VPS13B: variants seen among roughly 807,000 people sequenced by gnomAD.
VPS13B encodes the protein intermembrane lipid transfer protein VPS13B.
Under a neutral mutation model 426.4 loss-of-function variants are expected in VPS13B, and 285 were observed. The observed-to-expected ratio is 0.67, with a 90% confidence interval of 0.61 to 0.74. The LOEUF (loss-of-function observed/expected upper bound fraction) is 0.74. Ranked by LOEUF, VPS13B falls within the 30% of genes least tolerant of loss-of-function variation. The pLI, the probability that VPS13B is intolerant of heterozygous loss-of-function variation, is 0.00. For missense variants in VPS13B, 4,537 were observed against 4,782.6 expected, an observed-to-expected ratio of 0.95 and a Z score of 1.51; for synonymous variants, 1,676 against 1,676.4, an observed-to-expected ratio of 1.00 and a Z score of 0.01.
At chr8:99,237,736 C>G (rs1174553940) in intron 17 of VPS13B, among the ~76,000 whole-genome samples, 3 of 151,856 alleles carry the variant, frequency 2.0e-5, no homozygotes, top group African/African-American at 7.3e-5. Flanking sequence ...GAAATCACCA[C>G]TAAAGATCTT....
chr8:99,555,514 T>G (rs756867135), intron 30 of VPS13B, among the ~76,000 whole-genome samples: 3 of 152,172 alleles, frequency 2.0e-5, no homozygotes, highest in Non-Finnish European at 2.9e-5. Flanking sequence ...CAACTTTTCT[T>G]CTGATAAAAA....
intron 30 of VPS13B, among the ~76,000 whole-genome samples, chr8:99,524,234 A>C (rs1822527654): frequency 6.6e-6 from 1 of 152,194 alleles, no homozygotes; most frequent in East Asian, 1.9e-4. Flanking sequence ...TACAAGGTCT[A>C]TAAAATGGCC....
intron 24 of VPS13B, among the ~76,000 whole-genome samples, chr8:99,475,119 T>C (rs1819623725): frequency 6.6e-6 from 1 of 152,142 alleles, no homozygotes; most frequent in African/African-American, 2.4e-5. Context: ...CATAATTCCA[T>C]TTACATAAAA....
chr8:99,371,752 A>G (rs1280778256), intron 19 of VPS13B, among the ~76,000 whole-genome samples: 2 of 152,184 alleles, frequency 1.3e-5, no homozygotes, highest in African/African-American at 4.8e-5. Flanking sequence ...TTCCTTGAGC[A>G]GTGGTTTGTA....
At chr8:99,370,016 C>T (rs1429302369) in intron 19 of VPS13B, among the ~76,000 whole-genome samples, 1 of 152,124 alleles carries the variant, frequency 6.6e-6, no homozygotes, top group African/African-American at 2.4e-5. Flanking sequence ...TGATTTGAAG[C>T]ATACTTTACA....
Position 99,568,769 on chromosome 8 carries a change from G to A in VPS13B, c.4950-6889G>A, listed in dbSNP as rs558175001. Among the ~76,000 whole-genome samples the A allele has an allele frequency of 9.9e-5, 15 of 151,288 alleles. 1 individual carries two copies. The South Asian group carries it at 2.9e-3, about 30-fold the overall frequency. On this transcript the variant is annotated intron_variant, in intron 31 of 61. Coordinates refer to ENST00000357162, the MANE Select transcript of VPS13B (RefSeq NM_152564.5). The stretch of plus-strand genomic sequence containing the variant: ...GTTTTCATATTTAGGAATAACTACT[G>A]TAAGAGATGGTCTCAGGTGATAACC...
At chr8:99,333,948 A>G (rs768053794) in intron 19 of VPS13B, among the ~76,000 whole-genome samples, 11 of 151,884 alleles carry the variant, frequency 7.2e-5, no homozygotes, top group Non-Finnish European at 1.0e-4. Context: ...GATACAGTAC[A>G]GTTTACTTCT....
chr8:99,140,144 A>G (rs1208568555), intron 12 of VPS13B, among the ~76,000 whole-genome samples: 2 of 152,044 alleles, frequency 1.3e-5, no homozygotes, highest in Non-Finnish European at 2.9e-5. Context: ...AGGTGGGCAG[A>G]CCATGAGGTC....
chr8:99,604,986 A>G (rs1323395082), intron 33 of VPS13B, among the ~76,000 whole-genome samples: 1 of 152,240 alleles, frequency 6.6e-6, no homozygotes, highest in Non-Finnish European at 1.5e-5. Flanking sequence ...TCTCAAAAAC[A>G]TTTAAAAATC....
In VPS13B at chr8:99,871,554, G is replaced by T. The variant is rs1817415840; in HGVS notation, c.11602G>T (p.Glu3868Ter). 6.2e-7 allele frequency: 1 copy of T among 1,614,114 alleles called. No individual in the cohort carries two copies. The highest frequency in any genetic ancestry group is 1.3e-5 in the African/African-American group (1 of 74,944). The stretch of plus-strand genomic sequence containing the variant: ...TGAAGGGTGCTTGCTGCTGACATCA[G>T]AAGTGCTCTTCGTGGTGAGTGTCAG... ...EHEGCLLLTS[E>*]VLFVVSVSED... Residue 3868 changes from glutamate to a stop codon, truncating the protein, a stop_gained, in exon 61 of 62, where the codon GAA (glutamate) becomes TAA (stop). Transcript: ENST00000357162. LOFTEE classifies it high-confidence loss of function.
At chr8:99,050,496 C>T (rs6468654) in intron 3 of VPS13B, among the ~76,000 whole-genome samples, 112,717 of 152,046 alleles carry the variant, frequency 0.74, 42,438 homozygotes, top group South Asian at 0.87. Context: ...AATAAACATA[C>T]GTGTGCATGT....
intron 21 of VPS13B, 91 bp from the exon 22 acceptor site, chr8:99,431,446 A>G (rs1817106424): frequency 1.4e-6 from 2 of 1,474,020 alleles, no homozygotes; most frequent in Admixed American, 3.6e-5. Context: ...ATTTTAAGCA[A>G]GGAAAGAAAC....
intron 5 of VPS13B, among the ~76,000 whole-genome samples, chr8:99,105,032 A>G (rs1846969601): frequency 6.6e-6 from 1 of 152,232 alleles, no homozygotes; most frequent in Non-Finnish European, 1.5e-5. Flanking sequence ...GCAAAGTGAA[A>G]TTGAGTCTCA....
chr8:99,023,022 G>T (rs760594618), intron 2 of VPS13B, among the ~76,000 whole-genome samples: 4 of 150,270 alleles, frequency 2.7e-5, no homozygotes, highest in Non-Finnish European at 5.9e-5. Context: ...ACAAGGCGTT[G>T]CCCTGTTGCC....
intron 12 of VPS13B, among the ~76,000 whole-genome samples, chr8:99,139,527 TC>T (rs1810277350): frequency 6.7e-6 from 1 of 149,272 alleles, no homozygotes; most frequent in Non-Finnish European, 1.5e-5. Flanking sequence ...AAGCTCCGCC[TC>T]CCGGGTTCAT....
rs61754108 is a variant in VPS13B at position 99,859,369 on chromosome 8, G to A, written c.10933G>A (p.Gly3645Arg). Residue 3645 changes from glycine to arginine, a missense_variant, in exon 57 of 62, where the codon GGG (glycine) becomes AGG (arginine). Gly to Arg is a moderately radical substitution (Grantham distance 125). This residue lies in a region of VPS13B where 4,311 missense variants were observed against 4,474.3 expected (regional missense o/e 0.96). Coordinates refer to ENST00000357162, the MANE Select transcript of VPS13B (RefSeq NM_152564.5). ...AAGCCTGGTGAGAAGCATCGGGAAC[G>A]GGGTCGCCGACTTCTTCAGGCTTCC... The part of the protein sequence containing the change: ...PASLVRSIGN[G>R]VADFFRLPYE... The A allele has an allele frequency of 1.4e-5, 23 of 1,614,022 alleles. No homozygotes were observed. The highest frequency in any genetic ancestry group is 1.9e-5 in the Non-Finnish European group (23 of 1,180,028).
At chr8:99,636,527 C>T (rs1033868127) in intron 33 of VPS13B, among the ~76,000 whole-genome samples, 1 of 151,898 alleles carries the variant, frequency 6.6e-6, no homozygotes, top group African/African-American at 2.4e-5. Flanking sequence ...ATCCCAGTTT[C>T]CTAAAGTGAA....
At chr8:99,682,052 T>C (rs1831175206) in intron 35 of VPS13B, among the ~76,000 whole-genome samples, 1 of 152,248 alleles carries the variant, frequency 6.6e-6, no homozygotes, top group Non-Finnish European at 1.5e-5. Context: ...AATGATGTTT[T>C]TTAAATCAGC....
At chr8:99,847,717 C>G (rs553657782) in intron 54 of VPS13B, among the ~76,000 whole-genome samples, 2 of 152,230 alleles carry the variant, frequency 1.3e-5, no homozygotes, top group Admixed American at 6.5e-5. Flanking sequence ...TTTCTGAAGT[C>G]CATGAGAAAG....
Sources: allele counts gnomAD v4.1 joint callset (sites outside exome capture counted in the v4.1 genomes callset), GRCh38; gene constraint gnomAD v4.1.1; regional missense constraint gnomAD v4.1.1; transcripts MANE v1.5; gene names NCBI Gene and HGNC (gene_info 2026-07-23, HGNC 2026-07-21).